Variants in PCDHGA4 observed in about 807,000 individuals in gnomAD.
The protein encoded by PCDHGA4 is protocadherin gamma subfamily A, 4, also known as protocadherin gamma-A4.
In PCDHGA4, 38 loss-of-function variants were observed where a neutral mutation model predicts 54.6. The observed-to-expected ratio is 0.70, with a 90% confidence interval of 0.54 to 0.91. The LOEUF is 0.91. PCDHGA4 is among the 40% of genes least tolerant of loss of function. The pLI is 0.00. For missense variants in PCDHGA4, 1,298 were observed against 1,220.9 expected (o/e 1.06, Z -0.94); for synonymous variants, 511 against 512.9 (o/e 1.00, Z 0.05).
chr5:141,410,569 T>C (rs908906606), intron 1 of PCDHGA4: 1 of 1,612,242 alleles, frequency 6.2e-7, no homozygotes, highest in African/African-American at 1.3e-5. Context: ...GAGCCTTAAT[T>C]CCACCTCATG....
intron 2 of PCDHGA4, among the ~76,000 whole-genome samples, chr5:141,497,483 C>T (rs1039341023): frequency 6.6e-6 from 1 of 150,378 alleles, no homozygotes; most frequent in Non-Finnish European, 1.5e-5. Context: ...AGGTGCGGAA[C>T]CTCTCTCTCT....
At chr5:141,392,851 T>C in intron 1 of PCDHGA4, 1 of 1,611,148 alleles carries the variant, frequency 6.2e-7, no homozygotes, top group Non-Finnish European at 8.5e-7. Context: ...CGCGGCGAGC[T>C]GATCCTGCTG....
intron 1 of PCDHGA4, chr5:141,399,207 A>T (rs771939823): frequency 1.2e-6 from 2 of 1,613,992 alleles, no homozygotes; most frequent in South Asian, 2.2e-5. Flanking sequence ...TGCCTGGAAC[A>T]CTAATTGCTT....
At chr5:141,362,541 A>G (rs770673084) in intron 1 of PCDHGA4, 3 of 1,613,770 alleles carry the variant, frequency 1.9e-6, no homozygotes, top group Admixed American at 3.3e-5. Context: ...CTTTTGCCTC[A>G]GATACTATTT....
chr5:141,425,482 C>G (rs1257043728), intron 1 of PCDHGA4, among the ~76,000 whole-genome samples: 1 of 152,192 alleles, frequency 6.6e-6, no homozygotes, highest in East Asian at 1.9e-4. Flanking sequence ...CCTATGGCAA[C>G]CTACTAGGCT....
rs9324847 is a variant in PCDHGA4, at chr5:141,376,094, A to C, written c.2514+18473A>C. The C allele has an allele frequency of 5.1e-3, 8,284 of 1,613,546 alleles. 340 individuals are homozygous for C. In the African/African-American group the frequency reaches 0.097, roughly 19 times the overall value. On this transcript the variant is annotated intron_variant, in intron 1 of 3. Transcript: ENST00000571252. ...GGCCGTGGCCGACAGGATCCCCGAC[A>C]TCCTGGCCGACCTGGGCAGCCTCGA...
At chr5:141,409,241 A>G in intron 1 of PCDHGA4, 1 of 1,614,038 alleles carries the variant, frequency 6.2e-7, no homozygotes. Context: ...CAGCCCAGAA[A>G]TAATCATCAC....
At chr5:141,375,208 C>G in intron 1 of PCDHGA4, 2 of 1,613,958 alleles carry the variant, frequency 1.2e-6, no homozygotes, top group Non-Finnish European at 8.5e-7. Flanking sequence ...TCGATCGAGA[C>G]TCTGGCCTGA....
At chr5:141,475,715 C>T (rs989484033) in intron 1 of PCDHGA4, among the ~76,000 whole-genome samples, 1 of 152,366 alleles carries the variant, frequency 6.6e-6, no homozygotes, top group African/African-American at 2.4e-5. Context: ...AGCCTCACAG[C>T]CCCAAGGCTG....
At position 141,490,044 on chromosome 5, in the gene PCDHGA4, T is replaced by C; in HGVS notation, c.2515-4763T>C. The C allele has an allele frequency of 1.2e-6, 2 of 1,614,192 alleles. No individual in the cohort carries two copies. Among genetic ancestry groups the C allele is most frequent in the Non-Finnish European group, 1.7e-6 (2 of 1,180,024 alleles). The stretch of plus-strand genomic sequence containing the variant: ...TGCTGCTCCGCCTCAATGCCACTGA[T>C]CCAGACGAGGGCACCAACGGCCAAC... On this transcript the variant is annotated intron_variant, in intron 1 of 3. Transcript: ENST00000571252. The surrounding 1 kb of genome is among the most constrained non-coding windows in gnomAD (Gnocchi z 5.4).
At position 141,489,108 on chromosome 5, in the gene PCDHGA4, A is replaced by C; in HGVS notation, c.2515-5699A>C. The C allele has an allele frequency of 2.0e-6, 1 of 489,086 alleles. No individual in the cohort carries two copies. The highest frequency in any genetic ancestry group is 3.5e-6 in the Non-Finnish European group (1 of 287,626). 30.3% of individuals were successfully genotyped at this position (489,086 alleles called of 1,614,324 possible). On this transcript the variant is annotated intron_variant, in intron 1 of 3. Transcript: ENST00000571252. This position sits in a 1 kb window ranked among gnomAD's most constrained non-coding sequence, Gnocchi z 4.5. The stretch of plus-strand genomic sequence containing the variant: ...TCGGTGACTAAGAACTGCTGCAAGC[A>C]GGCAAACCTCCGAGCAGTTTTTAAG...
chr5:141,410,528 A>G (rs1464482105), intron 1 of PCDHGA4: 3 of 1,613,852 alleles, frequency 1.9e-6, no homozygotes, highest in Non-Finnish European at 2.5e-6. Flanking sequence ...CCTACATTCC[A>G]ATGAAGACAT....
intron 1 of PCDHGA4, chr5:141,421,203 G>A (rs779780797): frequency 2.6e-6 from 4 of 1,522,494 alleles, no homozygotes; most frequent in African/African-American, 1.4e-5. Context: ...TCGAGAAACC[G>A]CGGAATATCG....
chr5:141,432,400 G>A lies in PCDHGA4; in HGVS notation c.2515-62407G>A, dbSNP rs139153105. ...ACCCGCCCCTCAGCAGCAACGTGTC[G>A]TTGAGCCTGTTCGTGCTGGACCAGA... On this transcript the variant is annotated intron_variant, in intron 1 of 3. Transcript: ENST00000571252. The surrounding 1 kb of genome is among the most constrained non-coding windows in gnomAD (Gnocchi z 6.0). 5.6e-6 allele frequency: 9 copies of A among 1,614,122 alleles called. No homozygotes were observed. In the East Asian group the frequency reaches 6.7e-5, roughly 12 times the overall value.
At chr5:141,445,342 T>C (rs1026595756) in intron 1 of PCDHGA4, among the ~76,000 whole-genome samples, 4 of 152,202 alleles carry the variant, frequency 2.6e-5, no homozygotes, top group African/African-American at 9.6e-5. Flanking sequence ...ACAGTAAACA[T>C]TGGTGTCTGC....
At chr5:141,422,005 A>T in intron 1 of PCDHGA4, 1 of 1,609,814 alleles carries the variant, frequency 6.2e-7, no homozygotes, top group East Asian at 2.2e-5. Flanking sequence ...CAGCTCCGGA[A>T]CTCGGGTGCT....
intron 1 of PCDHGA4, among the ~76,000 whole-genome samples, chr5:141,357,912 G>A (rs1028672108): frequency 6.6e-6 from 1 of 152,134 alleles, no homozygotes; most frequent in African/African-American, 2.4e-5. Flanking sequence ...TTTCTGTGCT[G>A]GGTGTGGTGG....
In PCDHGA4 at chr5:141,357,307, G is replaced by T; in HGVS notation, c.2200G>T (p.Val734Phe). The change falls in exon 1 of 4, where the codon GTC becomes TTC. Residue 734 changes from valine to phenylalanine, a missense_variant. Transcript: ENST00000571252. ...GGTGGCAGTGGCCGCTGTCTCCTGCGTCTTCCTGGCTTTTGTCACGGTGCT... is the reference window on the plus strand; with the variant it reads ...GGTGGCAGTGGCCGCTGTCTCCTGCTTCTTCCTGGCTTTTGTCACGGTGCT... ...LVVAVAAVSC[V>F]FLAFVTVLLA... is the part of the protein sequence containing the mutation. 4 of 1,614,042 alleles carry T rather than the reference G, an allele frequency of 2.5e-6. No homozygotes were observed. The highest frequency in any genetic ancestry group is 3.4e-6 in the Non-Finnish European group (4 of 1,179,928).
chr5:141,399,336 T>C, intron 1 of PCDHGA4: 2 of 1,613,976 alleles, frequency 1.2e-6, no homozygotes, highest in Non-Finnish European at 1.7e-6. Context: ...TGGTAACAGA[T>C]GGAACCCTAG....
Sources: gnomAD v4.1 joint callset for allele counts (sites outside exome capture counted in the v4.1 genomes callset) on GRCh38, gnomAD v4.1.1 for gene constraint, Gnocchi (gnomAD v3.1) non-coding constraint, MANE v1.5 for transcripts, NCBI Gene and HGNC (gene_info 2026-07-23, HGNC 2026-07-21) for gene names.